ZFHX3: variants seen among roughly 807,000 people sequenced by gnomAD.
ZFHX3 encodes zinc finger homeobox protein 3.
ZFHX3 carries 42 observed loss-of-function variants against 279.1 expected under a neutral mutation model. The ratio of observed to expected loss-of-function variants is 0.15; its 90% CI spans 0.12 to 0.19. The LOEUF is 0.19. Among genes scored for constraint, ZFHX3 ranks in the 10% least tolerant of loss-of-function variants. The pLI is 1.00. For synonymous variants in ZFHX3, 2,293 were observed against 1,957.8 expected, an observed-to-expected ratio of 1.17 and a Z score of -4.52; for missense variants, 4,981 against 4,754.0, an observed-to-expected ratio of 1.05 and a Z score of -1.40.
intron 2 of ZFHX3, among the ~76,000 whole-genome samples, chr16:73,478,086 C>G (rs1052598681): frequency 6.6e-6 from 1 of 151,966 alleles, no homozygotes; most frequent in Admixed American, 6.6e-5. Flanking sequence ...TCCTGGCCAA[C>G]ATGGTGAAAC....
rs56328056 is a variant in ZFHX3 at position 72,882,977 on chromosome 16, G to GGTGTGTGTGTGTGT, written c.3448+6740_3448+6753dup. 7.2e-4 allele frequency among the ~76,000 whole-genome samples: 47 copies of GGTGTGTGTGTGTGT among 65,440 alleles called. 4 individuals carry two copies. The highest frequency in any genetic ancestry group is 1.5e-3 in the East Asian group (3 of 2,016). The allele number at this position is 65,440 out of a possible 152,430, so 42.9% of individuals were successfully genotyped here. ...ATTTTTGGCCTTCACACCACTCTGG[G>GGTGTGTGTGTGTGT]GTGTGTGTGTGTGTGTGTGTGTGTG... On this transcript the variant is annotated intron_variant, in intron 4 of 9. Coordinates refer to ENST00000268489, the MANE Select transcript of ZFHX3 (RefSeq NM_006885.4).
intron 2 of ZFHX3, among the ~76,000 whole-genome samples, chr16:73,543,008 C>T (rs968168503): frequency 6.6e-6 from 1 of 152,062 alleles, no homozygotes; most frequent in Non-Finnish European, 1.5e-5. Flanking sequence ...TAGTTTTTAA[C>T]CGTATATTTC....
chr16:73,639,445 A>C (rs1486892675), intron 2 of ZFHX3, among the ~76,000 whole-genome samples: 1 of 152,196 alleles, frequency 6.6e-6, no homozygotes, highest in Non-Finnish European at 1.5e-5. Context: ...AAGGTTCAAT[A>C]GTCATTGAAG....
At chr16:73,176,609 CTTTTT>C (rs34772851) in intron 5 of ZFHX3, among the ~76,000 whole-genome samples, 2 of 139,364 alleles carry the variant, frequency 1.4e-5, no homozygotes, top group Non-Finnish European at 3.1e-5. Flanking sequence ...TCTTCTTCTC[CTTTTT>C]TTTTTTTTTT....
At chr16:73,127,255 G>T in intron 7 of ZFHX3, 2 of 1,088,704 alleles carry the variant, frequency 1.8e-6, no homozygotes, top group Non-Finnish European at 1.2e-6. Flanking sequence ...AGAGCTAAAG[G>T]CTGCCGATAG....
At chr16:73,133,090 G>T (rs1966723204) in intron 6 of ZFHX3, among the ~76,000 whole-genome samples, 1 of 152,228 alleles carries the variant, frequency 6.6e-6, no homozygotes, top group South Asian at 2.1e-4. Flanking sequence ...ACCCACAGAA[G>T]TTCTGATGCT....
intron 5 of ZFHX3, among the ~76,000 whole-genome samples, chr16:73,174,916 C>T (rs11641092): frequency 0.29 from 43,811 of 149,300 alleles, 6,863 homozygotes; most frequent in East Asian, 0.45. Context: ...TGCTTGCAAT[C>T]CCAGCTACTC....
At chr16:73,815,620 G>A (rs1291315808) in intron 1 of ZFHX3, 3 of 151,352 alleles carry the variant, frequency 2.0e-5, no homozygotes, top group South Asian at 2.1e-4. Flanking sequence ...GGAGCGTAAT[G>A]GCACGATCTC....
At position 72,990,662 on chromosome 16, in the gene ZFHX3, G is replaced by A. The variant is rs191253788; in HGVS notation, c.-49-30468C>T. Among the ~76,000 whole-genome samples, 83 of 152,318 alleles carry A rather than the reference G, an allele frequency of 5.4e-4. No homozygotes were observed. In the Middle Eastern group the frequency reaches 0.01, roughly 19 times the overall value. On this transcript the variant is annotated intron_variant, in intron 1 of 9. Transcript: ENST00000268489. ...ATGTACCCAACAGGCAGATATCAGA[G>A]AAGCACTAAACTAACACCTTGAAAT... is the stretch of plus-strand genomic sequence containing the variant.
Position 72,958,070 on chromosome 16 carries a change from C to T in ZFHX3, c.2076G>A (p.Glu692=), listed in dbSNP as rs1961352933. The T allele has an allele frequency of 1.2e-6, 2 of 1,613,896 alleles. No homozygotes were observed. The highest frequency in any genetic ancestry group is 1.7e-6 in the Non-Finnish European group (2 of 1,180,050). Residue 692 remains glutamate, a synonymous_variant, in exon 2 of 10, where the codon GAG becomes GAA. Coordinates refer to ENST00000268489, the MANE Select transcript of ZFHX3 (RefSeq NM_006885.4). ...YQQTLEAHMK[E]KHPEPGGSCV... Reference sequence around the variant, plus strand: ...AGGAGCCCCCCGGCTCCGGGTGCTTCTCCTTCATGTGTGCCTCCAGGGTCT... The same window carrying T: ...AGGAGCCCCCCGGCTCCGGGTGCTTTTCCTTCATGTGTGCCTCCAGGGTCT...
chr16:73,701,247 C>G (rs1313215201), intron 1 of ZFHX3, among the ~76,000 whole-genome samples: 2 of 152,146 alleles, frequency 1.3e-5, no homozygotes, highest in Non-Finnish European at 2.9e-5. Flanking sequence ...GTTTTCTTGT[C>G]GTTATTGTTA....
At chr16:73,511,701 A>C (rs1221031391) in intron 2 of ZFHX3, among the ~76,000 whole-genome samples, 1 of 152,140 alleles carries the variant, frequency 6.6e-6, no homozygotes, top group Non-Finnish European at 1.5e-5. Context: ...TAGAGCAAAA[A>C]ACCAGGCCAA....
At chr16:73,516,336 T>G (rs2143698126) in intron 2 of ZFHX3, among the ~76,000 whole-genome samples, 1 of 152,294 alleles carries the variant, frequency 6.6e-6, no homozygotes, top group Middle Eastern at 3.4e-3. Flanking sequence ...AATACGAGTG[T>G]GTGTGTGCAT....
chr16:73,712,701 C>G (rs934667977), intron 1 of ZFHX3, among the ~76,000 whole-genome samples: 1 of 152,140 alleles, frequency 6.6e-6, no homozygotes, highest in African/African-American at 2.4e-5. Context: ...CAAAAGGAAA[C>G]CAAGTCAGGG....
chr16:73,410,828 A>G (rs1021384629), intron 3 of ZFHX3, among the ~76,000 whole-genome samples: 3 of 152,238 alleles, frequency 2.0e-5, no homozygotes, highest in Admixed American at 6.5e-5. Flanking sequence ...ACACACAAGC[A>G]TGATTCCATC....
intron 1 of ZFHX3, among the ~76,000 whole-genome samples, chr16:73,852,490 T>C (rs987045682): frequency 5.3e-5 from 8 of 152,338 alleles, no homozygotes; most frequent in Admixed American, 2.0e-4. Flanking sequence ...GGTTATATTT[T>C]CTATGTATGT....
At chr16:73,862,874 T>C (rs1216952079) in intron 1 of ZFHX3, among the ~76,000 whole-genome samples, 1 of 152,138 alleles carries the variant, frequency 6.6e-6, no homozygotes, top group Non-Finnish European at 1.5e-5. Flanking sequence ...TTAGAGTAAG[T>C]TATCTCCAGA....
At chr16:73,869,606 T>C (rs1314604798) in intron 1 of ZFHX3, among the ~76,000 whole-genome samples, 7 of 152,356 alleles carry the variant, frequency 4.6e-5, no homozygotes, top group Non-Finnish European at 8.8e-5. Flanking sequence ...AGGATTATCA[T>C]GGGAAAGAAA....
chr16:73,072,203 C>T (rs62052368), intron 8 of ZFHX3, among the ~76,000 whole-genome samples: 2,375 of 152,184 alleles, frequency 0.016, 26 homozygotes, highest in South Asian at 0.05. Context: ...TTAATCCCAA[C>T]ACTTTGGGAG....
Sources: allele counts gnomAD v4.1 joint callset (sites outside exome capture counted in the v4.1 genomes callset), GRCh38; gene constraint gnomAD v4.1.1; transcripts MANE v1.5; gene names NCBI Gene and HGNC (gene_info 2026-07-23, HGNC 2026-07-21).